CRYBG1: variants seen among roughly 807,000 people sequenced by gnomAD.
CRYBG1 encodes crystallin beta-gamma domain containing 1.
Under a neutral mutation model 189.2 loss-of-function variants are expected in CRYBG1, and 139 were observed. That is an observed-to-expected ratio of 0.73 (90% confidence interval 0.64 to 0.85). CRYBG1 has a LOEUF of 0.85. CRYBG1 is among the 40% of genes least tolerant of loss of function. The pLI, the probability that CRYBG1 is intolerant of heterozygous loss-of-function variation, is 0.00. For synonymous variants in CRYBG1, 1,023 were observed against 1,017.1 expected (o/e 1.01, Z -0.11); for missense variants, 2,611 against 2,675.8 (o/e 0.98, Z 0.53).
intron 2 of CRYBG1, among the ~76,000 whole-genome samples, chr6:106,476,209 C>A (rs1363546929): frequency 6.6e-6 from 1 of 152,036 alleles, no homozygotes; most frequent in East Asian, 1.9e-4. Flanking sequence ...TGTCTTTAGC[C>A]CCAGGTAACA....
intron 1 of CRYBG1, among the ~76,000 whole-genome samples, chr6:106,367,333 A>C (rs1772021871): frequency 6.6e-6 from 1 of 151,812 alleles, no homozygotes; most frequent in Non-Finnish European, 1.5e-5. Context: ...TCACACCTGT[A>C]ATCCCAGCAC....
At chr6:106,509,702 G>A (rs534409320) in intron 2 of CRYBG1, among the ~76,000 whole-genome samples, 1 of 152,122 alleles carries the variant, frequency 6.6e-6, no homozygotes, top group Non-Finnish European at 1.5e-5. Context: ...CTCGGGTGGC[G>A]GCAGAACCTC....
intron 2 of CRYBG1, chr6:106,457,324 T>G (rs1487816008): frequency 6.6e-6 from 1 of 152,160 alleles, no homozygotes; most frequent in African/African-American, 2.4e-5. Flanking sequence ...ATGCCACCGG[T>G]TCCCCTCCCA....
At chr6:106,389,115 T>C (rs954121732) in intron 1 of CRYBG1, among the ~76,000 whole-genome samples, 12 of 152,184 alleles carry the variant, frequency 7.9e-5, no homozygotes, top group African/African-American at 2.9e-4. Context: ...TCTTCCTTTA[T>C]AGTTTCCTCT....
intron 8 of CRYBG1, among the ~76,000 whole-genome samples, chr6:106,534,532 C>G (rs761015976): frequency 3.3e-5 from 5 of 152,158 alleles, no homozygotes; most frequent in Admixed American, 2.0e-4. Context: ...TTCCCCTGAA[C>G]TGGGATAAGA....
chr6:106,441,125 A>G (rs779388114), intron 1 of CRYBG1, among the ~76,000 whole-genome samples: 3 of 152,216 alleles, frequency 2.0e-5, no homozygotes, highest in Non-Finnish European at 2.9e-5. Flanking sequence ...AGGCAAAAGC[A>G]TTAATAGAAA....
Position 106,451,793 on chromosome 6 carries a change from G to T in CRYBG1, c.273G>T (p.Ala91=), listed in dbSNP as rs9486348. The change falls in exon 2 of 22, where the codon GCG becomes GCT. Residue 91 remains alanine, a synonymous_variant. Coordinates refer to ENST00000633556, the MANE Select transcript of CRYBG1 (RefSeq NM_001371242.2). ...ESQFFHTTSE[A]LGSLLLESGI... Reference sequence around the variant, plus strand: ...AGTTCTTCCACACCACCAGTGAGGCGCTTGGTTCCTTACTTCTAGAGTCTG... The same window carrying T: ...AGTTCTTCCACACCACCAGTGAGGCTCTTGGTTCCTTACTTCTAGAGTCTG... 31 of 1,534,702 alleles carry T rather than the reference G, an allele frequency of 2.0e-5. No individual in the cohort carries two copies. The Admixed American group carries it at 2.2e-4, about 11-fold the overall frequency.
chr6:106,457,549 C>G (rs1483527200), intron 2 of CRYBG1, among the ~76,000 whole-genome samples: 1 of 152,170 alleles, frequency 6.6e-6, no homozygotes, highest in Non-Finnish European at 1.5e-5. Flanking sequence ...TAGTGACTTA[C>G]TTAAAGGACT....
intron 1 of CRYBG1, among the ~76,000 whole-genome samples, chr6:106,380,943 T>G (rs1770276033): frequency 6.6e-6 from 1 of 152,132 alleles, no homozygotes. Flanking sequence ...TCCTTCTGAG[T>G]AGAAATCTTA....
intron 1 of CRYBG1, among the ~76,000 whole-genome samples, chr6:106,425,859 A>G (rs1217087116): frequency 1.3e-5 from 2 of 151,880 alleles, no homozygotes; most frequent in African/African-American, 4.8e-5. Context: ...GCCGGTCTTG[A>G]ACTCCGGACC....
At chr6:106,541,538 TA>T in intron 9 of CRYBG1, 47 bp from the exon 10 acceptor site, 1 of 1,564,760 alleles carries the variant, frequency 6.4e-7, no homozygotes, top group Non-Finnish European at 8.8e-7. Flanking sequence ...TATAAAATGG[TA>T]ATGTATCAGT....
At chr6:106,407,529 AATAGAC>A (rs772953348) in intron 1 of CRYBG1, among the ~76,000 whole-genome samples, 4 of 152,192 alleles carry the variant, frequency 2.6e-5, no homozygotes, top group Non-Finnish European at 4.4e-5. Context: ...CTCTGGACCT[AATAGAC>A]ATCTACAGAA....
rs145624873 is a variant in CRYBG1 at position 106,484,757 on chromosome 6, G to A, written c.313-26673G>A. ...TCCTAGAACTTTGGGAAGCCAAGAC[G>A]GGAGGATCACTTGAGCCCTAGAGTT... On this transcript the variant is annotated intron_variant, in intron 2 of 21. Transcript: ENST00000633556. Among the ~76,000 whole-genome samples, 33 of 152,170 alleles carry A rather than the reference G, an allele frequency of 2.2e-4. No individual in the cohort carries two copies. In the East Asian group the frequency reaches 5.8e-3, roughly 27 times the overall value.
intron 14 of CRYBG1, 63 bp from the exon 15 acceptor site, chr6:106,552,118 GAAA>G: frequency 6.7e-7 from 1 of 1,486,504 alleles, no homozygotes; most frequent in Non-Finnish European, 9.2e-7. Context: ...TAATCTAGAA[GAAA>G]AAAACTTTTT....
In CRYBG1 at chr6:106,521,479, T is replaced by C. The variant is rs768407460; in HGVS notation, c.4245+26T>C. On this transcript the variant is annotated intron_variant, in intron 4 of 21. Coordinates refer to ENST00000633556, the MANE Select transcript of CRYBG1 (RefSeq NM_001371242.2). ...GTAAGTAGCAATGTGTTATTATTTA[T>C]TTGGGGTATTTTTAAAGCAAGGGAA... The C allele has an allele frequency of 3.9e-6, 6 of 1,529,468 alleles. No individual in the cohort carries two copies. The East Asian group carries it at 1.1e-4, about 29-fold the overall frequency. The allele number at this position is 1,529,468 out of a possible 1,614,324, so 94.7% of individuals were successfully genotyped here.
Position 106,375,421 on chromosome 6 carries a change from G to GTAAGTAAATAAA in CRYBG1, c.173+14343_173+14344insGTAAATAAATAA, listed in dbSNP as rs1369650803. ...AGTAAGTAAGTAAGTAAGTAAGTAA[G>GTAAGTAAATAAA]TAAATAAATAAATAAATAAATAAAT... On this transcript the variant is annotated intron_variant, in intron 1 of 21. Coordinates refer to ENST00000633556, the MANE Select transcript of CRYBG1 (RefSeq NM_001371242.2). Among the ~76,000 whole-genome samples, 47 of 125,388 alleles carry GTAAGTAAATAAA rather than the reference G, an allele frequency of 3.7e-4. 1 individual carries two copies. The highest frequency in any genetic ancestry group is 3.8e-3 in the Middle Eastern group (1 of 266). The allele number at this position is 125,388 out of a possible 152,430, so 82.3% of individuals were successfully genotyped here. A position where few individuals can be genotyped will look rare whatever the true frequency, so the allele number is the denominator to read the frequency against.
At chr6:106,403,491 T>C (rs1003625189) in intron 1 of CRYBG1, among the ~76,000 whole-genome samples, 3 of 152,226 alleles carry the variant, frequency 2.0e-5, no homozygotes, top group African/African-American at 7.2e-5. Context: ...TGGGTCACCA[T>C]TAAAGGATTC....
chr6:106,560,482 A>G (rs976249945), intron 18 of CRYBG1, among the ~76,000 whole-genome samples: 3 of 152,228 alleles, frequency 2.0e-5, no homozygotes, highest in Non-Finnish European at 4.4e-5. Context: ...CATTATTACA[A>G]CTGAAGCTAT....
chr6:106,371,456 T>C (rs1770029544), intron 1 of CRYBG1, among the ~76,000 whole-genome samples: 1 of 152,246 alleles, frequency 6.6e-6, no homozygotes, highest in Admixed American at 6.5e-5. Context: ...CTTTCCCCAC[T>C]GTTGGCTTCC....
Sources: allele counts gnomAD v4.1 joint callset (sites outside exome capture counted in the v4.1 genomes callset), GRCh38; gene constraint gnomAD v4.1.1; transcripts MANE v1.5; gene names NCBI Gene and HGNC (gene_info 2026-07-23, HGNC 2026-07-21).